Variants in MCU observed in about 807,000 individuals in gnomAD.
The protein encoded by MCU is calcium uniporter protein, mitochondrial.
Under a neutral mutation model 45.2 loss-of-function variants are expected in MCU, and 12 were observed. The observed-to-expected ratio is 0.27, with a 90% confidence interval of 0.17 to 0.43. The LOEUF (loss-of-function observed/expected upper bound fraction) is 0.43. Among genes scored for constraint, MCU ranks in the 20% least tolerant of loss-of-function variants. MCU has a pLI of 1.00. For missense variants in MCU, 324 were observed against 436.7 expected (o/e 0.74, Z 2.30); for synonymous variants, 160 against 165.1 (o/e 0.97, Z 0.24).
chr10:72,754,669 G>A (rs961557829), intron 1 of MCU, among the ~76,000 whole-genome samples: 4 of 152,180 alleles, frequency 2.6e-5, no homozygotes, highest in Non-Finnish European at 1.5e-5. Context: ...TCACCATGTT[G>A]ATCAGGATGG....
intron 6 of MCU, among the ~76,000 whole-genome samples, 163 bp from the exon 7 acceptor site, chr10:72,884,103 C>T (rs1431104908): frequency 6.6e-6 from 1 of 152,092 alleles, no homozygotes; most frequent in African/African-American, 2.4e-5. Context: ...GTGTACTGTT[C>T]TGTATGTTTC....
intron 1 of MCU, among the ~76,000 whole-genome samples, chr10:72,747,926 G>T (rs1215368845): frequency 6.6e-6 from 1 of 151,222 alleles, no homozygotes; most frequent in African/African-American, 2.4e-5. Context: ...AAAGAAACAA[G>T]TAAAATTAAT....
chr10:72,859,451 A>G, intron 3 of MCU, 104 bp downstream of exon 3: 2 of 1,113,264 alleles, frequency 1.8e-6, no homozygotes, highest in South Asian at 3.7e-5. Flanking sequence ...AGAACCCTAT[A>G]CTGTTAACTT....
intron 2 of MCU, among the ~76,000 whole-genome samples, chr10:72,845,699 A>G (rs1325690919): frequency 1.3e-5 from 2 of 152,222 alleles, no homozygotes; most frequent in Admixed American, 6.5e-5. Flanking sequence ...ATGTTCACAC[A>G]GTGACAGAAT....
chr10:72,774,399 A>G (rs1433782253), intron 1 of MCU, among the ~76,000 whole-genome samples: 1 of 152,200 alleles, frequency 6.6e-6, no homozygotes, highest in Admixed American at 6.5e-5. Flanking sequence ...CCAGAGTACA[A>G]AAACCTATAA....
At chr10:72,730,310 T>TC (rs201167218) in intron 1 of MCU, among the ~76,000 whole-genome samples, 17 of 143,586 alleles carry the variant, frequency 1.2e-4, no homozygotes, top group African/African-American at 4.5e-4. Context: ...TCTTTTTCTT[T>TC]TTTTTTTTTT....
Position 72,834,470 on chromosome 10 carries a change from C to T in MCU, c.220+42C>T, listed in dbSNP as rs200083084. The T allele has an allele frequency of 1.4e-5, 21 of 1,527,218 alleles. No homozygotes were observed. In the African/African-American group the frequency reaches 2.3e-4, roughly 17 times the overall value. 94.6% of individuals were successfully genotyped at this position (1,527,218 alleles called of 1,614,324 possible). A position where few individuals can be genotyped will look rare whatever the true frequency, so the allele number is the denominator to read the frequency against. ...CCACCTTTTATGTCTAATATTATTT[C>T]CTTCTTAGCTCAGTGTTTCCTATTC... is the stretch of plus-strand genomic sequence containing the variant. On this transcript the variant is annotated intron_variant, in intron 2 of 7. Coordinates refer to ENST00000373053, the MANE Select transcript of MCU (RefSeq NM_138357.3).
At chr10:72,816,531 C>T (rs1589476863) in intron 1 of MCU, among the ~76,000 whole-genome samples, 1 of 152,310 alleles carries the variant, frequency 6.6e-6, no homozygotes, top group Non-Finnish European at 1.5e-5. Flanking sequence ...ATAATCCCAG[C>T]ACTCAGGAGG....
At chr10:72,848,546 G>A (rs548971822) in intron 2 of MCU, among the ~76,000 whole-genome samples, 8 of 152,232 alleles carry the variant, frequency 5.3e-5, no homozygotes, top group African/African-American at 1.4e-4. Flanking sequence ...GAGCCTTCAT[G>A]ACCTAATCAC....
At chr10:72,825,686 C>T (rs1454081894) in intron 1 of MCU, among the ~76,000 whole-genome samples, 6 of 152,122 alleles carry the variant, frequency 3.9e-5, no homozygotes, top group Non-Finnish European at 7.4e-5. Context: ...ATAGACAAGG[C>T]CCCATAGCAT....
At chr10:72,818,211 T>G (rs900289081) in intron 1 of MCU, among the ~76,000 whole-genome samples, 1 of 152,214 alleles carries the variant, frequency 6.6e-6, no homozygotes, top group Non-Finnish European at 1.5e-5. Flanking sequence ...ACCTGTGACT[T>G]TTCAGATTTT....
At chr10:72,858,613 T>C (rs1845329442) in intron 2 of MCU, among the ~76,000 whole-genome samples, 1 of 152,212 alleles carries the variant, frequency 6.6e-6, no homozygotes, top group African/African-American at 2.4e-5. Context: ...TTTAAAGGTT[T>C]ACCCTGGGGT....
intron 1 of MCU, chr10:72,693,193 TGTGTGTGA>T: frequency 2.3e-5 from 21 of 924,532 alleles, no homozygotes; most frequent in East Asian, 2.6e-5. Flanking sequence ...TGTGTGTGTG[TGTGTGTGA>T]GAGAGAGAGA....
At chr10:72,754,800 A>T (rs914423100) in intron 1 of MCU, among the ~76,000 whole-genome samples, 4 of 152,106 alleles carry the variant, frequency 2.6e-5, no homozygotes, top group Admixed American at 6.5e-5. Flanking sequence ...ACTGCACTCC[A>T]GCCTGGGCTT....
intron 1 of MCU, among the ~76,000 whole-genome samples, chr10:72,697,624 C>T (rs1400158640): frequency 4.6e-5 from 7 of 151,524 alleles, no homozygotes; most frequent in Non-Finnish European, 7.4e-5. Context: ...TTAGTAGAGA[C>T]GGGGTTTCAC....
chr10:72,693,579 T>C (rs942662797), intron 1 of MCU, among the ~76,000 whole-genome samples: 2 of 152,180 alleles, frequency 1.3e-5, no homozygotes, highest in African/African-American at 4.8e-5. Flanking sequence ...GAAAGATCTA[T>C]GAAAAGACCT....
At chr10:72,765,840 G>C (rs181509319) in intron 1 of MCU, among the ~76,000 whole-genome samples, 2 of 144,404 alleles carry the variant, frequency 1.4e-5, no homozygotes, top group East Asian at 2.0e-4. Context: ...AAACAATTCA[G>C]ATGACTATTT....
chr10:72,801,353 CT>C (rs200952818), intron 1 of MCU, among the ~76,000 whole-genome samples: 2,248 of 100,400 alleles, frequency 0.022, 28 homozygotes, highest in Non-Finnish European at 0.024. Flanking sequence ...ATAATGCTTT[CT>C]TTTTTTTTTT....
At chr10:72,775,600 T>C (rs1381599596) in intron 1 of MCU, among the ~76,000 whole-genome samples, 1 of 152,080 alleles carries the variant, frequency 6.6e-6, no homozygotes, top group Admixed American at 6.5e-5. Flanking sequence ...AAGAAGTTGT[T>C]CTTTTAAAAA....
Sources: allele counts gnomAD v4.1 joint callset (sites outside exome capture counted in the v4.1 genomes callset), GRCh38; gene constraint gnomAD v4.1.1; transcripts MANE v1.5; gene names NCBI Gene and HGNC (gene_info 2026-07-23, HGNC 2026-07-21).